The following APOOL variants were observed in gnomAD, a reference collection of about 807,000 sequenced individuals.
APOOL encodes the protein apolipoprotein O like, also known as MICOS complex subunit MIC27.
A neutral mutation model predicts 23.1 loss-of-function variants in APOOL; 12 were observed. The ratio of observed to expected loss-of-function variants is 0.52; its 90% CI spans 0.33 to 0.84. The LOEUF (loss-of-function observed/expected upper bound fraction) is 0.84, where lower values mean the gene tolerates loss of function less well. APOOL is among the 40% of genes least tolerant of loss of function. The pLI is 0.02. For missense variants in APOOL, 212 were observed against 199.6 expected (o/e 1.06, Z -0.37); for synonymous variants, 77 against 69.9 (o/e 1.10, Z -0.51).
intron 1 of APOOL, among the ~76,000 whole-genome samples, chrX:85,013,033 C>A (rs1239804018): frequency 9.0e-6 from 1 of 111,450 alleles, no homozygotes; most frequent in Admixed American, 9.5e-5. Flanking sequence ...TTGGTCTGTT[C>A]AGTTTCTGTT....
chrX:85,039,033 G>A (rs1922319699), intron 1 of APOOL, among the ~76,000 whole-genome samples: 1 of 110,410 alleles, frequency 9.1e-6, no homozygotes, highest in African/African-American at 3.3e-5. Flanking sequence ...TTTTGATGTG[G>A]ATTTTCAGTG....
chrX:85,023,964 G>A (rs2147478770), intron 1 of APOOL, among the ~76,000 whole-genome samples: 1 of 112,020 alleles, frequency 8.9e-6, no homozygotes, highest in South Asian at 3.7e-4. Flanking sequence ...TCTTGTTGTT[G>A]TTGTTTGTTC....
chrX:85,057,453 T>C (rs967633331), intron 5 of APOOL, among the ~76,000 whole-genome samples: 4 of 106,894 alleles, frequency 3.7e-5, no homozygotes, highest in African/African-American at 1.3e-4. Flanking sequence ...AACATTCTAG[T>C]ATCCTAACTC....
intron 1 of APOOL, among the ~76,000 whole-genome samples, chrX:85,027,932 A>G (rs911002633): frequency 8.9e-6 from 1 of 112,117 alleles, no homozygotes; most frequent in African/African-American, 3.2e-5. Context: ...GGGCTGTTGC[A>G]AATAAAGCTG....
In APOOL at chrX:85,092,521, A is replaced by T; in HGVS notation, c.*4843A>T. On this transcript the variant is annotated 3_prime_UTR_variant, in exon 9 of 9. Transcript: ENST00000373173. ...GATAGAAGCCTGGTTCCAAATGACG[A>T]CAAGAAAGTGCATGCAGTTACATTG... 1 of 1,210,587 alleles carries T rather than the reference A, an allele frequency of 8.3e-7. No homozygotes were observed. The highest frequency in any genetic ancestry group is 1.1e-6 in the Non-Finnish European group (1 of 894,478).
At chrX:85,007,626 C>T (rs1764406232) in intron 1 of APOOL, among the ~76,000 whole-genome samples, 1 of 111,145 alleles carries the variant, frequency 9.0e-6, no homozygotes, top group Non-Finnish European at 1.9e-5. Context: ...AAGGACTGTG[C>T]TGATCTCTCG....
At chrX:85,032,224 T>C (rs756389402) in intron 1 of APOOL, among the ~76,000 whole-genome samples, 6 of 112,627 alleles carry the variant, frequency 5.3e-5, no homozygotes, top group African/African-American at 1.6e-4. Context: ...TTTTAAGATG[T>C]TTAGTTGTGG....
intron 1 of APOOL, 50 bp downstream of exon 1, chrX:85,003,977 GGTAACT>G: frequency 8.3e-7 from 1 of 1,201,530 alleles, no homozygotes; most frequent in Non-Finnish European, 1.1e-6. Flanking sequence ...ATAGCATCCC[GGTAACT>G]GTAAAAGGGA....
Position 85,088,556 on chromosome X carries a change from G to T in APOOL, c.*878G>T, listed in dbSNP as rs1237451449. On this transcript the variant is annotated 3_prime_UTR_variant, in exon 9 of 9. Transcript: ENST00000373173. ...TTTACTATTGTGTTCCCTGGAAGAG[G>T]TATTACAAACGTTTTATTCTTCTCA... The T allele has an allele frequency of 9.2e-6, 1 of 108,571 alleles. No individual in the cohort carries two copies. 8.9% of individuals were successfully genotyped at this position (108,571 alleles called of 1,213,427 possible). A position where few individuals can be genotyped will look rare whatever the true frequency, so the allele number is the denominator to read the frequency against.
rs1248096955 is a variant in APOOL at position 85,088,105 on chromosome X, T to A, written c.*427T>A. The A allele has an allele frequency of 2.4e-3, 5 of 2,115 alleles. No homozygotes were observed. Among genetic ancestry groups the A allele is most frequent in the Non-Finnish European group, 2.7e-3 (2 of 750 alleles). The allele number at this position is 2,115 out of a possible 1,213,427, so 0.2% of individuals were successfully genotyped here. A position where few individuals can be genotyped will look rare whatever the true frequency, so the allele number is the denominator to read the frequency against. On this transcript the variant is annotated 3_prime_UTR_variant, in exon 9 of 9. Transcript: ENST00000373173. ...ATATGTATAAATACATATACATATTTATACATATATGTATAAATACATACA... is the reference window on the plus strand; with the variant it reads ...ATATGTATAAATACATATACATATTAATACATATATGTATAAATACATACA...
At position 85,089,671 on chromosome X, in the gene APOOL, T is replaced by C. The variant is rs1441544718; in HGVS notation, c.*1993T>C. On this transcript the variant is annotated 3_prime_UTR_variant, in exon 9 of 9. Coordinates refer to ENST00000373173, the MANE Select transcript of APOOL (RefSeq NM_198450.6). Reference sequence around the variant, plus strand: ...ATTTTCAACCCCCATATCTCTCTAGTGCTGTAGACCTTTATTTCTACTTAC... The same window carrying C: ...ATTTTCAACCCCCATATCTCTCTAGCGCTGTAGACCTTTATTTCTACTTAC... 1 of 111,437 alleles carries C rather than the reference T, an allele frequency of 9.0e-6. No individual in the cohort carries two copies. The highest frequency in any genetic ancestry group is 2.8e-4 in the East Asian group (1 of 3,541). 9.2% of individuals were successfully genotyped at this position (111,437 alleles called of 1,213,427 possible). A position where few individuals can be genotyped will look rare whatever the true frequency, so the allele number is the denominator to read the frequency against.
chrX:85,086,811 T>C (rs1198886991), intron 8 of APOOL, among the ~76,000 whole-genome samples: 3 of 73,557 alleles, frequency 4.1e-5, no homozygotes, highest in Admixed American at 1.6e-4. Flanking sequence ...GCCATTCTCC[T>C]GCCTCAGCCT....
Position 85,055,903 on chromosome X carries a change from G to T in APOOL, c.372G>T (p.Ala124=). 1 of 1,196,555 alleles carries T rather than the reference G, an allele frequency of 8.4e-7. No homozygotes were observed. Among genetic ancestry groups the T allele is most frequent in the African/African-American group, 1.8e-5 (1 of 57,089 alleles). The change falls in exon 5 of 9, where the codon GCG becomes GCT. Residue 124 remains alanine, a synonymous_variant. Coordinates refer to ENST00000373173, the MANE Select transcript of APOOL (RefSeq NM_198450.6). ...GAGTTATTACAGTTTCAGGATTGGC[G>T]GGCTTGGTTTCAGCGAGAAAAGGTA... ...KMGVITVSGL[A]GLVSARKGSK...
chrX:85,021,237 C>T (rs1453554855), intron 1 of APOOL, among the ~76,000 whole-genome samples: 3 of 110,259 alleles, frequency 2.7e-5, no homozygotes, highest in African/African-American at 9.9e-5. Flanking sequence ...CATGTATACC[C>T]AGGACCCAGG....
At chrX:85,015,918 G>T (rs1921455250) in intron 1 of APOOL, among the ~76,000 whole-genome samples, 1 of 110,041 alleles carries the variant, frequency 9.1e-6, no homozygotes, top group Admixed American at 9.7e-5. Flanking sequence ...GCTTGTAGGG[G>T]TGAAGACTCT....
chrX:85,051,473 C>G lies in APOOL; in HGVS notation c.205C>G (p.Arg69Gly). Residue 69 changes from arginine (R) to glycine (G), a missense_variant, in exon 3 of 9, where the codon CGC becomes GGC. Coordinates refer to ENST00000373173, the MANE Select transcript of APOOL (RefSeq NM_198450.6). ...TTTACAAATGGGCTTTGCTTCCATC[C>G]GCACTGCAACTGGTTGTTACATTGG... ...GHLQMGFASI[R>G]TATGCYIGWC... 8.3e-7 allele frequency: 1 copy of G among 1,210,985 alleles called. No individual in the cohort carries two copies. The highest frequency in any genetic ancestry group is 1.1e-6 in the Non-Finnish European group (1 of 895,020).
At chrX:85,024,902 C>G (rs1394699331) in intron 1 of APOOL, among the ~76,000 whole-genome samples, 1 of 112,484 alleles carries the variant, frequency 8.9e-6, no homozygotes, top group Non-Finnish European at 1.9e-5. Flanking sequence ...ATAGCTCTTT[C>G]AAAACAGAGC....
chrX:85,060,928 G>A (rs1923192043), intron 5 of APOOL, among the ~76,000 whole-genome samples: 1 of 111,272 alleles, frequency 9.0e-6, no homozygotes. Flanking sequence ...TTGAACAGGA[G>A]TGGTGAGAGG....
At chrX:85,056,572 T>C (rs771865927) in intron 5 of APOOL, among the ~76,000 whole-genome samples, 2 of 110,135 alleles carry the variant, frequency 1.8e-5, no homozygotes, top group Non-Finnish European at 3.8e-5. Flanking sequence ...GGAGAAACCC[T>C]GTCTCTACTA....
Sources: gnomAD v4.1 joint callset for allele counts (sites outside exome capture counted in the v4.1 genomes callset) on GRCh38, gnomAD v4.1.1 for gene constraint, MANE v1.5 for transcripts, NCBI Gene and HGNC (gene_info 2026-07-23, HGNC 2026-07-21) for gene names.